Variants in PTPRT observed in about 807,000 individuals in gnomAD.
PTPRT encodes protein tyrosine phosphatase receptor type T.
PTPRT carries 56 observed loss-of-function variants against 176.8 expected under a neutral mutation model. The ratio of observed to expected loss-of-function variants is 0.32; its 90% CI spans 0.26 to 0.40. The LOEUF is 0.40. PTPRT is among the 10% of genes least tolerant of loss of function. PTPRT has a pLI of 1.00. For missense variants in PTPRT, 1,540 were observed against 1,908.2 expected, an observed-to-expected ratio of 0.81 and a Z score of 3.60; for synonymous variants, 783 against 739.0, an observed-to-expected ratio of 1.06 and a Z score of -0.96.
At chr20:43,066,951 C>G (rs1181623178) in intron 1 of PTPRT, among the ~76,000 whole-genome samples, 1 of 152,206 alleles carries the variant, frequency 6.6e-6, no homozygotes, top group Non-Finnish European at 1.5e-5. Context: ...GCCCACAAAG[C>G]CTAAAATATT....
chr20:42,923,926 C>G (rs1315780588), intron 1 of PTPRT, among the ~76,000 whole-genome samples: 1 of 152,118 alleles, frequency 6.6e-6, no homozygotes, highest in Non-Finnish European at 1.5e-5. Flanking sequence ...CTCACTGCAG[C>G]CTTCACCTCC....
intron 13 of PTPRT, among the ~76,000 whole-genome samples, chr20:42,269,116 A>G (rs553663146): frequency 1.3e-5 from 2 of 152,236 alleles, no homozygotes; most frequent in East Asian, 3.9e-4. Context: ...GTAGATGCAG[A>G]TCTCCACATC....
At chr20:43,131,680 T>A (rs949540466) in intron 1 of PTPRT, among the ~76,000 whole-genome samples, 4 of 152,198 alleles carry the variant, frequency 2.6e-5, no homozygotes, top group African/African-American at 9.6e-5. Flanking sequence ...GCCAGCATAA[T>A]ACTGATACCA....
intron 1 of PTPRT, among the ~76,000 whole-genome samples, chr20:43,083,343 T>TATATATATATATATATAC (rs1568774058): frequency 3.5e-5 from 4 of 115,324 alleles, no homozygotes; most frequent in African/African-American, 9.7e-5. Flanking sequence ...TATATATATA[T>TATATATATATATATATAC]ATATATATAT....
At chr20:42,036,754 G>A in the PTPRT span, among the ~76,000 whole-genome samples, 1 of 152,282 alleles carries the variant, frequency 6.6e-6, no homozygotes, top group East Asian at 1.9e-4. Context: ...TCAGAGCCAG[G>A]CATAAGTATT....
chr20:42,853,632 T>C (rs774993195), intron 2 of PTPRT, among the ~76,000 whole-genome samples: 23 of 152,218 alleles, frequency 1.5e-4, no homozygotes, highest in Non-Finnish European at 3.4e-4. Context: ...TGGATTAAGC[T>C]TGCCCACATT....
At chr20:42,300,685 G>A (rs980513220) in intron 12 of PTPRT, among the ~76,000 whole-genome samples, 30 of 151,448 alleles carry the variant, frequency 2.0e-4, no homozygotes, top group Non-Finnish European at 7.4e-5. Flanking sequence ...CCTCGGAATA[G>A]ATGTCCACTA....
At chr20:42,886,002 C>T (rs942923437) in intron 1 of PTPRT, 70 bp from the exon 2 acceptor site, 27 of 1,343,974 alleles carry the variant, frequency 2.0e-5, no homozygotes, top group African/African-American at 1.0e-4. Flanking sequence ...TCTGTCTCGT[C>T]GGCTCTTCAT....
chr20:43,045,174 T>C (rs1986781847), intron 1 of PTPRT, among the ~76,000 whole-genome samples: 1 of 152,214 alleles, frequency 6.6e-6, no homozygotes, highest in African/African-American at 2.4e-5. Flanking sequence ...ATAATTTCTT[T>C]TAGAAACAGA....
intron 11 of PTPRT, among the ~76,000 whole-genome samples, chr20:42,341,831 A>G (rs1600859209): frequency 6.6e-6 from 1 of 152,198 alleles, no homozygotes. Context: ...ACAGTCCAAA[A>G]TAGAACACTC....
chr20:42,052,408 A>ATAAT, the PTPRT span, among the ~76,000 whole-genome samples: 1 of 152,146 alleles, frequency 6.6e-6, no homozygotes, highest in East Asian at 1.9e-4. Context: ...GGTCCCAGTG[A>ATAAT]TGTCACAAGT....
intron 7 of PTPRT, among the ~76,000 whole-genome samples, chr20:42,483,126 T>C (rs978424805): frequency 1.3e-5 from 2 of 152,130 alleles, no homozygotes; most frequent in African/African-American, 4.8e-5. Flanking sequence ...CTGAAAGGTG[T>C]CACTCTTCCC....
intron 11 of PTPRT, among the ~76,000 whole-genome samples, chr20:42,316,362 T>C (rs2057721850): frequency 6.6e-6 from 1 of 152,148 alleles, no homozygotes; most frequent in South Asian, 2.1e-4. Context: ...TCACTCCTCA[T>C]CCTAATCAAC....
intron 4 of PTPRT, among the ~76,000 whole-genome samples, chr20:42,774,557 G>T (rs1196802253): frequency 6.6e-6 from 1 of 152,190 alleles, no homozygotes; most frequent in Non-Finnish European, 1.5e-5. Context: ...ACACAGTACA[G>T]GCTTAACAAA....
intron 9 of PTPRT, among the ~76,000 whole-genome samples, chr20:42,429,854 G>A (rs1229800757): frequency 6.6e-6 from 1 of 152,190 alleles, no homozygotes; most frequent in African/African-American, 2.4e-5. Context: ...AAGAAAGGAG[G>A]AAGAGGGAAA....
chr20:42,205,668 C>T (rs1436463636), intron 15 of PTPRT, among the ~76,000 whole-genome samples: 1 of 152,152 alleles, frequency 6.6e-6, no homozygotes, highest in Admixed American at 6.5e-5. Flanking sequence ...GAGCCATGCC[C>T]ACTCTCCTGG....
chr20:42,772,525 T>C (rs193161725), intron 4 of PTPRT, among the ~76,000 whole-genome samples: 7 of 152,332 alleles, frequency 4.6e-5, no homozygotes, highest in African/African-American at 1.4e-4. Context: ...ATCTCTTTCC[T>C]TTTTTGTGGA....
intron 7 of PTPRT, among the ~76,000 whole-genome samples, chr20:42,577,935 G>GTT (rs1169510722): frequency 7.7e-5 from 11 of 142,070 alleles, no homozygotes; most frequent in African/African-American, 2.7e-4. Context: ...GTGTGTGTGT[G>GTT]TGTGTGTGTG....
intron 14 of PTPRT, among the ~76,000 whole-genome samples, chr20:42,245,140 C>A: frequency 6.6e-6 from 1 of 152,032 alleles, no homozygotes; most frequent in Non-Finnish European, 1.5e-5. Context: ...TAGATGTGAT[C>A]GACAGATCCA....
Sources: allele counts gnomAD v4.1 joint callset (sites outside exome capture counted in the v4.1 genomes callset), GRCh38; gene constraint gnomAD v4.1.1; transcripts MANE v1.5; gene names NCBI Gene and HGNC (gene_info 2026-07-23, HGNC 2026-07-21).